The following DPP10 variants were observed in gnomAD, a reference collection of about 807,000 sequenced individuals.
DPP10 encodes the protein dipeptidyl peptidase like 10.
Under a neutral mutation model 120.9 loss-of-function variants are expected in DPP10, and 33 were observed. The ratio of observed to expected loss-of-function variants is 0.27; its 90% CI spans 0.21 to 0.37. DPP10 has a LOEUF of 0.37. Among genes scored for constraint, DPP10 ranks in the 10% least tolerant of loss-of-function variants. The pLI is 1.00. For synonymous variants in DPP10, 337 were observed against 326.1 expected (o/e 1.03, Z -0.36); for missense variants, 816 against 942.8 (o/e 0.87, Z 1.76).
intron 1 of DPP10, among the ~76,000 whole-genome samples, chr2:115,141,548 T>A (rs2050927637): frequency 6.6e-6 from 1 of 152,206 alleles, no homozygotes; most frequent in South Asian, 2.1e-4. Context: ...TGAAAAGCTG[T>A]CTCCAAATAT....
intron 5 of DPP10, among the ~76,000 whole-genome samples, chr2:115,556,203 A>G (rs903233938): frequency 6.6e-5 from 10 of 151,880 alleles, no homozygotes; most frequent in African/African-American, 2.4e-4. Context: ...TACTTTTTAT[A>G]CTCCGAATAC....
intron 1 of DPP10, among the ~76,000 whole-genome samples, chr2:114,793,359 C>T (rs1377040559): frequency 1.3e-5 from 2 of 152,014 alleles, no homozygotes; most frequent in Non-Finnish European, 2.9e-5. Context: ...CATGTGTTCT[C>T]ATTGTTCAAC....
chr2:115,377,084 G>A (rs1418135250), intron 3 of DPP10, among the ~76,000 whole-genome samples: 43 of 151,926 alleles, frequency 2.8e-4, no homozygotes, highest in African/African-American at 2.4e-5. Flanking sequence ...GGATTGCTGG[G>A]TCAAATGGTA....
chr2:115,072,330 TAAAAG>T (rs1447075952), intron 1 of DPP10, among the ~76,000 whole-genome samples: 1 of 152,162 alleles, frequency 6.6e-6, no homozygotes, highest in Non-Finnish European at 1.5e-5. Flanking sequence ...TCTTTTTTCT[TAAAAG>T]AAACAATCTT....
At chr2:115,515,335 T>C (rs1213411013) in intron 4 of DPP10, among the ~76,000 whole-genome samples, 1 of 152,078 alleles carries the variant, frequency 6.6e-6, no homozygotes, top group African/African-American at 2.4e-5. Context: ...TATGATACTC[T>C]CTGTTAGTCC....
chr2:115,710,248 A>G (rs886352210), intron 7 of DPP10, among the ~76,000 whole-genome samples: 10 of 152,180 alleles, frequency 6.6e-5, no homozygotes, highest in Admixed American at 3.3e-4. Flanking sequence ...AATGTTAAGT[A>G]TATGAGTAAA....
chr2:115,820,827 GTGTGTGTGTA>G (rs1687746021), intron 21 of DPP10, among the ~76,000 whole-genome samples: 1 of 140,384 alleles, frequency 7.1e-6, no homozygotes, highest in Non-Finnish European at 1.6e-5. Context: ...GTGTGTGTGT[GTGTGTGTGTA>G]TCTCACAATT....
At chr2:115,807,890 T>G (rs1315916262) in intron 19 of DPP10, among the ~76,000 whole-genome samples, 1 of 151,986 alleles carries the variant, frequency 6.6e-6, no homozygotes, top group Non-Finnish European at 1.5e-5. Context: ...TAAATGCATT[T>G]TTCAGGTTTA....
Position 115,456,988 on chromosome 2 carries a change from T to C in DPP10, c.272-42522T>C, listed in dbSNP as rs117291196. ...TATAATAATAAAAACAAAAAAGAAA[T>C]TGGAGGAATTGCCATACCCGATTTC... On this transcript the variant is annotated intron_variant, in intron 3 of 25. Transcript: ENST00000410059. Among the ~76,000 whole-genome samples the C allele has an allele frequency of 4.0e-5, 6 of 151,672 alleles. No homozygotes were observed. The East Asian group carries it at 1.2e-3, about 29-fold the overall frequency.
At chr2:115,342,403 G>T (rs1444491456) in intron 2 of DPP10, among the ~76,000 whole-genome samples, 1 of 151,984 alleles carries the variant, frequency 6.6e-6, no homozygotes, top group East Asian at 1.9e-4. Flanking sequence ...TGGTTGACAC[G>T]GAGTTTCACC....
At chr2:114,518,700 A>G (rs1684805175) in intron 1 of DPP10, among the ~76,000 whole-genome samples, 1 of 152,172 alleles carries the variant, frequency 6.6e-6, no homozygotes, top group Admixed American at 6.5e-5. Context: ...AGATCCATGG[A>G]GTCATCACCT....
chr2:115,438,521 A>G (rs1029576535), intron 3 of DPP10, among the ~76,000 whole-genome samples: 5 of 152,324 alleles, frequency 3.3e-5, no homozygotes, highest in African/African-American at 1.2e-4. Context: ...GAATAGAAAA[A>G]CAAAATGTGG....
chr2:115,100,893 A>C (rs2104618387), intron 1 of DPP10, among the ~76,000 whole-genome samples: 1 of 152,278 alleles, frequency 6.6e-6, no homozygotes, highest in African/African-American at 2.4e-5. Context: ...GTCTGTAAAC[A>C]TCCTTATCTT....
chr2:115,024,982 T>A (rs558123349), intron 1 of DPP10, among the ~76,000 whole-genome samples: 8 of 151,534 alleles, frequency 5.3e-5, no homozygotes, highest in Non-Finnish European at 8.8e-5. Flanking sequence ...TATAATTTGA[T>A]CTTTAACATA....
chr2:115,444,364 G>A (rs2104901354), intron 3 of DPP10, among the ~76,000 whole-genome samples: 1 of 152,228 alleles, frequency 6.6e-6, no homozygotes, highest in East Asian at 1.9e-4. Flanking sequence ...TTAGACTCAG[G>A]CACCTGCACT....
At chr2:115,184,553 G>A (rs531204711) in intron 1 of DPP10, among the ~76,000 whole-genome samples, 2 of 152,278 alleles carry the variant, frequency 1.3e-5, no homozygotes, top group African/African-American at 4.8e-5. Flanking sequence ...TTTCACAACT[G>A]TACAGAAGTC....
chr2:115,427,174 G>T (rs527730042), intron 3 of DPP10, among the ~76,000 whole-genome samples: 1 of 152,176 alleles, frequency 6.6e-6, no homozygotes, highest in South Asian at 2.1e-4. Flanking sequence ...TGTCTTTTCC[G>T]CACTGAAGTT....
intron 1 of DPP10, among the ~76,000 whole-genome samples, chr2:114,867,696 T>C (rs1445645112): frequency 6.6e-6 from 1 of 152,228 alleles, no homozygotes. Flanking sequence ...ACTGAAACCA[T>C]TTTCATGCCT....
At chr2:114,898,454 T>A (rs933266126) in intron 1 of DPP10, among the ~76,000 whole-genome samples, 11 of 151,832 alleles carry the variant, frequency 7.2e-5, no homozygotes, top group Admixed American at 1.3e-4. Flanking sequence ...CATATGTAAC[T>A]AACCTGCACA....
Sources: allele counts gnomAD v4.1 joint callset (sites outside exome capture counted in the v4.1 genomes callset), GRCh38; gene constraint gnomAD v4.1.1; transcripts MANE v1.5; gene names NCBI Gene and HGNC (gene_info 2026-07-23, HGNC 2026-07-21).